Variants in KHDRBS2 observed in about 807,000 individuals in gnomAD.
KHDRBS2 encodes KH domain-containing, RNA-binding, signal transduction-associated protein 2.
In KHDRBS2, 26 loss-of-function variants were observed where a neutral mutation model predicts 44.3. That is an observed-to-expected ratio of 0.59 (90% CI 0.43 to 0.81). The LOEUF (loss-of-function observed/expected upper bound fraction) is 0.81. Among genes scored for constraint, KHDRBS2 ranks in the 40% least tolerant of loss-of-function variants. KHDRBS2 has a pLI of 0.00. For missense variants in KHDRBS2, 476 were observed against 433.1 expected (o/e 1.10, Z -0.88); for synonymous variants, 194 against 151.1 (o/e 1.28, Z -2.08).
intron 6 of KHDRBS2, among the ~76,000 whole-genome samples, chr6:61,893,118 C>A (rs955905394): frequency 6.6e-6 from 1 of 152,184 alleles, no homozygotes; most frequent in Non-Finnish European, 1.5e-5. Flanking sequence ...CAAAAGAAGA[C>A]ATTTATGCAG....
intron 1 of KHDRBS2, among the ~76,000 whole-genome samples, chr6:62,205,274 T>C (rs926181966): frequency 2.9e-4 from 44 of 152,096 alleles, no homozygotes; most frequent in Non-Finnish European, 7.4e-5. Flanking sequence ...TCTGACAATG[T>C]CCATAAAAAT....
At chr6:61,979,299 G>A (rs1048369520) in intron 3 of KHDRBS2, among the ~76,000 whole-genome samples, 1 of 151,992 alleles carries the variant, frequency 6.6e-6, no homozygotes, top group East Asian at 1.9e-4. Context: ...CATTAATTAT[G>A]TTTTATCTTT....
chr6:62,265,949 A>T (rs1839137581), intron 1 of KHDRBS2, among the ~76,000 whole-genome samples: 1 of 152,076 alleles, frequency 6.6e-6, no homozygotes. Context: ...GGCAGCTACA[A>T]TATTTTACCT....
rs1243090721 is a variant in KHDRBS2 at position 61,954,875 on chromosome 6, T to TATACATAA, written c.483+23190_483+23191insTTATGTAT. Among the ~76,000 whole-genome samples the TATACATAA allele has an allele frequency of 5.3e-4, 40 of 75,006 alleles. 4 individuals carry two copies. The highest frequency in any genetic ancestry group is 2.1e-3 in the African/African-American group (40 of 19,044). The allele number at this position is 75,006 out of a possible 152,430, so 49.2% of individuals were successfully genotyped here. A position where few individuals can be genotyped will look rare whatever the true frequency, so the allele number is the denominator to read the frequency against. ...GCATGTGTATATACACATACATATG[T>TATACATAA]GTATATATGTATATATACACATACA... On this transcript the variant is annotated intron_variant, in intron 4 of 8. Transcript: ENST00000281156.
intron 6 of KHDRBS2, among the ~76,000 whole-genome samples, chr6:61,776,381 C>G (rs1782002851): frequency 6.6e-6 from 1 of 152,104 alleles, no homozygotes; most frequent in South Asian, 2.1e-4. Flanking sequence ...AAAATTTTCA[C>G]AACCTACTCA....
intron 6 of KHDRBS2, among the ~76,000 whole-genome samples, chr6:61,883,535 AT>A (rs1800504315): frequency 6.6e-6 from 1 of 152,076 alleles, no homozygotes. Flanking sequence ...CTTTTCTAAA[AT>A]GACTTAAAAT....
the KHDRBS2 span, among the ~76,000 whole-genome samples, chr6:61,581,241 G>T: frequency 1.3e-5 from 2 of 152,094 alleles, no homozygotes; most frequent in African/African-American, 2.4e-5. Context: ...TGCACAATGT[G>T]CATTGTGTCC....
chr6:62,186,845 C>T (rs1823532340), intron 1 of KHDRBS2, among the ~76,000 whole-genome samples: 1 of 152,014 alleles, frequency 6.6e-6, no homozygotes, highest in African/African-American at 2.4e-5. Context: ...AAGAATAAAA[C>T]ATTTTATTGA....
chr6:62,212,458 A>G (rs1585227907), intron 1 of KHDRBS2, among the ~76,000 whole-genome samples: 1 of 151,984 alleles, frequency 6.6e-6, no homozygotes, highest in East Asian at 2.0e-4. Flanking sequence ...ATATTAATAC[A>G]TTAAAGTTCT....
chr6:62,060,680 A>C (rs1791606686), intron 2 of KHDRBS2, among the ~76,000 whole-genome samples: 2 of 151,520 alleles, frequency 1.3e-5, no homozygotes, highest in Non-Finnish European at 2.9e-5. Flanking sequence ...AGAAATATCT[A>C]CCACAAGTAT....
chr6:61,957,162 T>C (rs1388380802), intron 4 of KHDRBS2, among the ~76,000 whole-genome samples: 1 of 152,194 alleles, frequency 6.6e-6, no homozygotes, highest in African/African-American at 2.4e-5. Context: ...CCTATGCCTG[T>C]CCTTACTTTA....
chr6:61,558,478 C>T, the KHDRBS2 span, among the ~76,000 whole-genome samples: 3 of 152,144 alleles, frequency 2.0e-5, no homozygotes, highest in African/African-American at 7.2e-5. Flanking sequence ...AGGAGGATAG[C>T]TTGAGCCCAG....
At chr6:61,841,792 G>A (rs377022455) in intron 6 of KHDRBS2, among the ~76,000 whole-genome samples, 17 of 152,184 alleles carry the variant, frequency 1.1e-4, no homozygotes, top group African/African-American at 3.1e-4. Context: ...AGGGCACAAC[G>A]CTTTATAACA....
intron 3 of KHDRBS2, among the ~76,000 whole-genome samples, chr6:62,018,299 A>ATGTGTG (rs57360690): frequency 6.8e-6 from 1 of 146,172 alleles, no homozygotes; most frequent in African/African-American, 2.5e-5. Flanking sequence ...ATATATATAT[A>ATGTGTG]TGTGTGTGTG....
chr6:61,616,503 C>T, the KHDRBS2 span, among the ~76,000 whole-genome samples: 2 of 147,500 alleles, frequency 1.4e-5, no homozygotes, highest in African/African-American at 2.5e-5. Flanking sequence ...ATATATAATG[C>T]TATTGCTTTC....
At chr6:61,865,460 T>C (rs1328797209) in intron 6 of KHDRBS2, among the ~76,000 whole-genome samples, 1 of 152,068 alleles carries the variant, frequency 6.6e-6, no homozygotes, top group African/African-American at 2.4e-5. Flanking sequence ...CTCCTCATTA[T>C]AAAAACCATC....
chr6:62,073,026 A>G (rs1029018085), intron 2 of KHDRBS2, among the ~76,000 whole-genome samples: 2 of 152,024 alleles, frequency 1.3e-5, no homozygotes, highest in African/African-American at 2.4e-5. Flanking sequence ...AGAGCCTGCT[A>G]TCGGTCTATT....
chr6:62,007,318 T>C (rs1486514427), intron 3 of KHDRBS2, among the ~76,000 whole-genome samples: 4 of 152,056 alleles, frequency 2.6e-5, no homozygotes, highest in African/African-American at 9.7e-5. Context: ...AAAGGTCCAG[T>C]TCTGAGGACC....
the KHDRBS2 span, among the ~76,000 whole-genome samples, chr6:61,592,188 C>CAAAAAAAAAAAAAAAAAAA: frequency 1.6e-5 from 2 of 122,276 alleles, no homozygotes; most frequent in African/African-American, 3.0e-5. Context: ...AAGATCCCAC[C>CAAAAAAAAAAAAAAAAAAA]AAAAAAAAAA....
Sources: gnomAD v4.1 joint callset for allele counts (sites outside exome capture counted in the v4.1 genomes callset) on GRCh38, gnomAD v4.1.1 for gene constraint, MANE v1.5 for transcripts, NCBI Gene and HGNC (gene_info 2026-07-23, HGNC 2026-07-21) for gene names.